SLC39A11: variants seen among roughly 807,000 people sequenced by gnomAD.
SLC39A11 encodes the protein solute carrier family 39 member 11, also known as zinc transporter ZIP11.
A neutral mutation model predicts 36.1 loss-of-function variants in SLC39A11; 33 were observed. The observed-to-expected ratio is 0.91, with a 90% confidence interval of 0.69 to 1.22. The LOEUF (loss-of-function observed/expected upper bound fraction) is 1.22. Ranked by LOEUF, SLC39A11 falls within the 50% of genes most tolerant of loss-of-function variation. The probability of loss-of-function intolerance (pLI) is 0.00; values close to 1 mark genes in which losing one functional copy is unlikely to be tolerated. For synonymous variants in SLC39A11, 166 were observed against 170.3 expected, an observed-to-expected ratio of 0.97 and a Z score of 0.20; for missense variants, 432 against 430.3, an observed-to-expected ratio of 1.00 and a Z score of -0.03.
chr17:72,847,382 A>C, intron 6 of SLC39A11, among the ~76,000 whole-genome samples: 1 of 147,068 alleles, frequency 6.8e-6, no homozygotes, highest in African/African-American at 2.5e-5. Context: ...AGCCTGGGCG[A>C]CAGAGCGAGA....
intron 4 of SLC39A11, among the ~76,000 whole-genome samples, chr17:73,027,950 C>T (rs139132078): frequency 9.7e-4 from 147 of 152,310 alleles, no homozygotes; most frequent in African/African-American, 3.3e-3. Flanking sequence ...TCCAAGCAGA[C>T]GTGTCCCCAG....
intron 5 of SLC39A11, among the ~76,000 whole-genome samples, chr17:72,941,459 C>A (rs1598503058): frequency 6.6e-6 from 1 of 152,178 alleles, no homozygotes; most frequent in East Asian, 1.9e-4. Context: ...GCTACAGCAG[C>A]CCTAGCAAAC....
At chr17:72,804,941 G>A (rs113549466) in intron 6 of SLC39A11, among the ~76,000 whole-genome samples, 11,561 of 152,046 alleles carry the variant, frequency 0.076, 503 homozygotes, top group African/African-American at 0.11. Flanking sequence ...ACTTGAACCC[G>A]GGAGGCGAAG....
intron 4 of SLC39A11, among the ~76,000 whole-genome samples, chr17:73,018,629 G>A (rs993813004): frequency 6.6e-6 from 1 of 152,050 alleles, no homozygotes; most frequent in Non-Finnish European, 1.5e-5. Flanking sequence ...TAGGGCTATT[G>A]CAGTCCTCAG....
At chr17:72,782,687 CAAAAAAAAAAAAA>C (rs72447211) in intron 6 of SLC39A11, among the ~76,000 whole-genome samples, 4,481 of 62,536 alleles carry the variant, frequency 0.072, 284 homozygotes, top group African/African-American at 0.24. Flanking sequence ...GACCCCATCT[CAAAAAAAAAAAAA>C]AAAAAAAAAA....
chr17:72,659,574 CTTTTTTTTTTT>C (rs34383683), intron 7 of SLC39A11, among the ~76,000 whole-genome samples: 11 of 61,176 alleles, frequency 1.8e-4, no homozygotes, highest in Admixed American at 5.8e-4. Context: ...CTCTGTGACT[CTTTTTTTTTTT>C]TTTTTTTTTT....
chr17:73,082,856 CA>C (rs11329811), intron 3 of SLC39A11, among the ~76,000 whole-genome samples: 119,800 of 150,348 alleles, frequency 0.8, 47,791 homozygotes, highest in East Asian at 0.88. Context: ...ACTAAAACCA[CA>C]AAAAAAAAAT....
intron 6 of SLC39A11, among the ~76,000 whole-genome samples, chr17:72,806,565 G>A (rs1418501408): frequency 6.6e-6 from 1 of 152,096 alleles, no homozygotes; most frequent in African/African-American, 2.4e-5. Context: ...TTCAGTTTGG[G>A]AAAGTTTTTA....
intron 3 of SLC39A11, among the ~76,000 whole-genome samples, chr17:73,042,106 T>TA (rs1324161721): frequency 5.3e-5 from 8 of 152,196 alleles, no homozygotes; most frequent in African/African-American, 1.9e-4. Flanking sequence ...GCTCTGGCAA[T>TA]AGAAATGAAT....
chr17:72,813,010 T>C (rs929832576), intron 6 of SLC39A11, among the ~76,000 whole-genome samples: 3 of 152,166 alleles, frequency 2.0e-5, no homozygotes, highest in African/African-American at 7.2e-5. Flanking sequence ...TCTTCCAGAA[T>C]TGAAAGTTGA....
chr17:72,799,936 A>G (rs2077028447), intron 6 of SLC39A11, among the ~76,000 whole-genome samples: 1 of 151,758 alleles, frequency 6.6e-6, no homozygotes, highest in African/African-American at 2.4e-5. Context: ...AACCCTTAAT[A>G]AAAACTTGCC....
intron 4 of SLC39A11, among the ~76,000 whole-genome samples, chr17:72,953,941 C>T (rs957123283): frequency 6.6e-5 from 10 of 152,180 alleles, no homozygotes; most frequent in East Asian, 1.9e-4. Context: ...GGATTCAGGA[C>T]GGGGGAGCTC....
At chr17:72,933,210 T>A (rs2084531055) in intron 5 of SLC39A11, among the ~76,000 whole-genome samples, 1 of 152,142 alleles carries the variant, frequency 6.6e-6, no homozygotes, top group African/African-American at 2.4e-5. Flanking sequence ...TTAGAACCAA[T>A]AAATGAGTTT....
At chr17:73,052,305 G>T (rs146774359) in intron 3 of SLC39A11, among the ~76,000 whole-genome samples, 5 of 151,606 alleles carry the variant, frequency 3.3e-5, no homozygotes, top group African/African-American at 1.2e-4. Context: ...ATAAAGACAG[G>T]ATGCTAGAGG....
chr17:73,029,535 C>T (rs2148660732), intron 4 of SLC39A11, among the ~76,000 whole-genome samples: 1 of 152,078 alleles, frequency 6.6e-6, no homozygotes, highest in South Asian at 2.1e-4. Flanking sequence ...ACATAGTCGG[C>T]AGCAAGGAAG....
intron 5 of SLC39A11, among the ~76,000 whole-genome samples, chr17:72,908,416 C>A (rs370712893): frequency 2.6e-5 from 4 of 152,222 alleles, no homozygotes; most frequent in African/African-American, 9.6e-5. Context: ...ACACACAGGG[C>A]CAGGCTGGCC....
chr17:72,831,045 G>C (rs1482500683), intron 6 of SLC39A11, among the ~76,000 whole-genome samples: 1 of 152,124 alleles, frequency 6.6e-6, no homozygotes, highest in East Asian at 1.9e-4. Flanking sequence ...GAAAGTGTTT[G>C]ATTAAAAGAG....
At chr17:72,661,460 C>T (rs375703224) in intron 7 of SLC39A11, among the ~76,000 whole-genome samples, 4 of 152,330 alleles carry the variant, frequency 2.6e-5, no homozygotes, top group African/African-American at 9.6e-5. Flanking sequence ...TGGCATATCC[C>T]TGACAAGCCC....
chr17:72,801,881 C>T (rs900524878), intron 6 of SLC39A11, among the ~76,000 whole-genome samples: 6 of 152,028 alleles, frequency 3.9e-5, no homozygotes, highest in African/African-American at 1.5e-4. Context: ...TTGTTTAAAA[C>T]AATAAAAAAA....
Sources: allele counts gnomAD v4.1 joint callset (sites outside exome capture counted in the v4.1 genomes callset), GRCh38; gene constraint gnomAD v4.1.1; transcripts MANE v1.5; gene names NCBI Gene and HGNC (gene_info 2026-07-23, HGNC 2026-07-21).